EPB41: variants seen among roughly 807,000 people sequenced by gnomAD.
EPB41 encodes the protein erythrocyte membrane protein band 4.1, also known as protein 4.1.
Under a neutral mutation model 108.0 loss-of-function variants are expected in EPB41, and 65 were observed. That is an observed-to-expected ratio of 0.60 (90% CI 0.49 to 0.74). EPB41 has a LOEUF of 0.74. Among genes scored for constraint, EPB41 ranks in the 30% least tolerant of loss-of-function variants. EPB41 has a pLI of 0.00. For missense variants in EPB41, 875 were observed against 1,037.0 expected, an observed-to-expected ratio of 0.84 and a Z score of 2.15; for synonymous variants, 336 against 358.9, an observed-to-expected ratio of 0.94 and a Z score of 0.72.
In EPB41 at chr1:28,887,441, G is replaced by A. The variant is rs980865286; in HGVS notation, c.-8+231G>A. On this transcript the variant is annotated intron_variant, in intron 1 of 16. Coordinates refer to the EPB41 transcript ENST00000347529. The surrounding 1 kb of genome is among the most constrained non-coding windows in gnomAD (Gnocchi z 4.9). ...GCAGGGAGGGGCGTGGGAGTCTGGA[G>A]AGGGGGTCCGGGAGCTCGGATCCGG... The A allele has an allele frequency of 3.0e-6, 3 of 985,260 alleles. No homozygotes were observed. The highest frequency in any genetic ancestry group is 9.4e-5 in the South Asian group (2 of 21,292). 61.0% of individuals were successfully genotyped at this position (985,260 alleles called of 1,614,324 possible). A position where few individuals can be genotyped will look rare whatever the true frequency, so the allele number is the denominator to read the frequency against.
intron 1 of EPB41, among the ~76,000 whole-genome samples, chr1:28,934,358 TC>T (rs2093891566): frequency 6.6e-6 from 1 of 152,038 alleles, no homozygotes; most frequent in Non-Finnish European, 1.5e-5. Flanking sequence ...AAAGATACTT[TC>T]CCCCCTTTTC....
At chr1:29,017,046 A>G (rs1316556343) in intron 6 of EPB41, among the ~76,000 whole-genome samples, 3 of 152,216 alleles carry the variant, frequency 2.0e-5, no homozygotes, top group Admixed American at 2.0e-4. Context: ...TGAAGTTGAG[A>G]TGCCGGATTT....
rs149619786 is a variant in EPB41 at position 28,968,761 on chromosome 1, C to G, written c.-7-18670C>G. Reference sequence around the variant, plus strand: ...GGTGGATCACCTGACGCCAGAAGTTCGAGACCAGCCTGGCCAACATGGTGA... The same window carrying G: ...GGTGGATCACCTGACGCCAGAAGTTGGAGACCAGCCTGGCCAACATGGTGA... On this transcript the variant is annotated intron_variant, in intron 1 of 20. Coordinates refer to ENST00000343067, the MANE Select transcript of EPB41 (RefSeq NM_001376013.1). 3.7e-3 allele frequency among the ~76,000 whole-genome samples: 567 copies of G among 152,062 alleles called. 6 individuals are homozygous for G. Among genetic ancestry groups the G allele is most frequent in the African/African-American group, 0.013 (529 of 41,486 alleles).
Position 28,980,834 on chromosome 1 carries a change from TCACCCAGG to T in EPB41, c.-7-6595_-7-6588del, listed in dbSNP as rs202243571. 5.2e-3 allele frequency among the ~76,000 whole-genome samples: 766 copies of T among 147,446 alleles called. 7 individuals carry two copies. Among genetic ancestry groups the T allele is most frequent in the African/African-American group, 0.018 (697 of 39,734 alleles). The stretch of plus-strand genomic sequence containing the variant: ...TTTTTTGAGATAGAGTCTCACTCTG[TCACCCAGG>T]CTGGAATGCAGTGGTGCAATCTCGG... On this transcript the variant is annotated intron_variant, in intron 1 of 20. Transcript: ENST00000343067.
chr1:28,944,019 T>C (rs1348276142), intron 1 of EPB41, among the ~76,000 whole-genome samples: 2 of 152,250 alleles, frequency 1.3e-5, no homozygotes, highest in Non-Finnish European at 2.9e-5. Flanking sequence ...ATTGGAGTAC[T>C]ATTCAACCAT....
At chr1:29,066,502 G>A (rs879514783) in intron 16 of EPB41, among the ~76,000 whole-genome samples, 3 of 152,112 alleles carry the variant, frequency 2.0e-5, no homozygotes, top group Non-Finnish European at 4.4e-5. Context: ...AAGTTACCAT[G>A]AACATATACC....
intron 1 of EPB41, among the ~76,000 whole-genome samples, chr1:28,889,159 A>G (rs1412776898): frequency 6.6e-6 from 1 of 152,192 alleles, no homozygotes; most frequent in Non-Finnish European, 1.5e-5. Context: ...TACTTTGTCA[A>G]TAATCCGGAC....
intron 7 of EPB41, among the ~76,000 whole-genome samples, chr1:29,025,278 A>C (rs2788889): frequency 6.6e-6 from 1 of 151,816 alleles, no homozygotes; most frequent in Admixed American, 6.6e-5. Flanking sequence ...ATTAAAAGGG[A>C]GTCACATAAC....
intron 1 of EPB41, among the ~76,000 whole-genome samples, chr1:28,917,980 A>G (rs2092807625): frequency 6.6e-6 from 1 of 152,022 alleles, no homozygotes; most frequent in African/African-American, 2.4e-5. Context: ...TTTTTAATGT[A>G]GTAATCCAGT....
chr1:29,033,346 A>G (rs1203276354), intron 9 of EPB41, 101 bp downstream of exon 9: 7 of 1,374,802 alleles, frequency 5.1e-6, no homozygotes, highest in East Asian at 2.3e-5. Flanking sequence ...AAGTCTCTCT[A>G]TAGTTAACTA....
chr1:28,989,907 C>G (rs1427132574), intron 2 of EPB41, among the ~76,000 whole-genome samples: 1 of 152,062 alleles, frequency 6.6e-6, no homozygotes, highest in African/African-American at 2.4e-5. Context: ...ACAGTAAAGG[C>G]AAAGAAACCA....
chr1:29,021,829 G>T (rs188750614), intron 7 of EPB41, among the ~76,000 whole-genome samples: 175 of 152,224 alleles, frequency 1.1e-3, no homozygotes, highest in African/African-American at 4.1e-3. Context: ...TGATCCGCCC[G>T]CCTGGGCCTC....
chr1:28,960,398 A>G (rs911061514), intron 1 of EPB41, among the ~76,000 whole-genome samples: 4 of 151,742 alleles, frequency 2.6e-5, no homozygotes, highest in Non-Finnish European at 4.4e-5. Context: ...ACCTTGAGCT[A>G]TATAGGATTT....
chr1:28,938,019 G>C (rs2094119059), intron 1 of EPB41, among the ~76,000 whole-genome samples: 1 of 152,148 alleles, frequency 6.6e-6, no homozygotes, highest in Non-Finnish European at 1.5e-5. Context: ...AGATGTATGA[G>C]TTTATTTCTG....
upstream of EPB41, among the ~76,000 whole-genome samples, chr1:28,914,377 A>G (rs1243067257): frequency 6.6e-6 from 1 of 151,586 alleles, no homozygotes; most frequent in Non-Finnish European, 1.5e-5. Context: ...TCCTCTCCTT[A>G]CCGGCCTAGG....
chr1:28,922,187 T>C (rs1428216046), intron 1 of EPB41, among the ~76,000 whole-genome samples: 2 of 151,370 alleles, frequency 1.3e-5, no homozygotes, highest in Admixed American at 6.6e-5. Flanking sequence ...TTAGACTGGT[T>C]TCGAACTCCT....
chr1:29,008,487 T>C (rs964497502), intron 4 of EPB41, among the ~76,000 whole-genome samples: 1 of 152,204 alleles, frequency 6.6e-6, no homozygotes. Context: ...GTTACACAGC[T>C]GCTAAATGGT....
At chr1:29,051,282 A>G (rs1323945412) in intron 11 of EPB41, among the ~76,000 whole-genome samples, 1 of 150,718 alleles carries the variant, frequency 6.6e-6, no homozygotes, top group Non-Finnish European at 1.5e-5. Flanking sequence ...TATTTTTAGT[A>G]GAGACGACGT....
At chr1:28,999,842 G>T (rs1478466371) in intron 4 of EPB41, among the ~76,000 whole-genome samples, 1 of 151,878 alleles carries the variant, frequency 6.6e-6, no homozygotes, top group Non-Finnish European at 1.5e-5. Context: ...AGAGTGCAGT[G>T]GTGCGATCTT....
Sources: allele counts gnomAD v4.1 joint callset (sites outside exome capture counted in the v4.1 genomes callset), GRCh38; gene constraint gnomAD v4.1.1; non-coding constraint Gnocchi (gnomAD v3.1); transcripts MANE v1.5; gene names NCBI Gene and HGNC (gene_info 2026-07-23, HGNC 2026-07-21).